PPP2R2C: variants seen among roughly 807,000 people sequenced by gnomAD.
The protein encoded by PPP2R2C is protein phosphatase 2, regulatory subunit B, gamma.
A neutral mutation model predicts 45.3 loss-of-function variants in PPP2R2C; 10 were observed. The ratio of observed to expected loss-of-function variants is 0.22; its 90% CI spans 0.14 to 0.37. The LOEUF (loss-of-function observed/expected upper bound fraction) is 0.37. PPP2R2C is among the 10% of genes least tolerant of loss of function. PPP2R2C has a pLI of 1.00. For synonymous variants in PPP2R2C, 257 were observed against 245.4 expected, an observed-to-expected ratio of 1.05 and a Z score of -0.44; for missense variants, 308 against 619.7, an observed-to-expected ratio of 0.50 and a Z score of 5.34.
intron 1 of PPP2R2C, among the ~76,000 whole-genome samples, chr4:6,561,317 A>C (rs1424221629): frequency 1.3e-5 from 2 of 152,212 alleles, no homozygotes; most frequent in Non-Finnish European, 2.9e-5. Flanking sequence ...GATGTTACAC[A>C]GGAAATAAAA....
At chr4:6,523,996 C>T (rs893981789) in intron 2 of PPP2R2C, among the ~76,000 whole-genome samples, 4 of 152,142 alleles carry the variant, frequency 2.6e-5, no homozygotes, top group African/African-American at 4.8e-5. Flanking sequence ...TCACTGCAAC[C>T]TCCGCCTCCC....
At chr4:6,380,683 G>C (rs1715709266) in intron 2 of PPP2R2C, among the ~76,000 whole-genome samples, 1 of 152,092 alleles carries the variant, frequency 6.6e-6, no homozygotes, top group Non-Finnish European at 1.5e-5. Flanking sequence ...GCTGAGGGCA[G>C]GGGGCTCAGA....
intron 2 of PPP2R2C, among the ~76,000 whole-genome samples, chr4:6,512,102 T>G (rs1280953519): frequency 1.7e-5 from 1 of 58,698 alleles, no homozygotes; most frequent in East Asian, 8.6e-4. Flanking sequence ...GTGGTGGTGG[T>G]GGTGGTGGTG....
intron 6 of PPP2R2C, among the ~76,000 whole-genome samples, chr4:6,341,068 G>T (rs1031981503): frequency 4.6e-5 from 7 of 152,230 alleles, no homozygotes; most frequent in Admixed American, 4.6e-4. Flanking sequence ...CAGGTGGGGG[G>T]CGGTGGCTCA....
intron 1 of PPP2R2C, among the ~76,000 whole-genome samples, chr4:6,467,476 T>A (rs766692779): frequency 1.3e-5 from 2 of 152,116 alleles, no homozygotes; most frequent in Non-Finnish European, 2.9e-5. Context: ...CGATGCCAGA[T>A]CTCAGGCTCT....
At chr4:6,517,894 A>G (rs1009801304) in intron 2 of PPP2R2C, among the ~76,000 whole-genome samples, 2 of 152,196 alleles carry the variant, frequency 1.3e-5, no homozygotes, top group African/African-American at 4.8e-5. Context: ...TACAGATGAT[A>G]AAACTGAGGC....
In PPP2R2C at chr4:6,554,342, C is replaced by A. The variant is rs569550223; in HGVS notation, c.-59+9218G>T. On this transcript the variant is annotated intron_variant, in intron 1 of 9. Transcript: ENST00000506140. The stretch of plus-strand genomic sequence containing the variant: ...AATGCCAAAGATGGACAGCAAATCA[C>A]AATAAGCTGGGAGAGGGGTACAGGA... Among the ~76,000 whole-genome samples the A allele has an allele frequency of 3.9e-5, 6 of 152,268 alleles. No homozygotes were observed. In the East Asian group the frequency reaches 1.2e-3, roughly 29 times the overall value.
upstream of PPP2R2C, among the ~76,000 whole-genome samples, chr4:6,476,095 G>A (rs1024308492): frequency 1.3e-5 from 2 of 152,202 alleles, no homozygotes; most frequent in African/African-American, 4.8e-5. Context: ...CTCCAGAACT[G>A]GGAGGAAGTA....
At position 6,364,014 on chromosome 4, in the gene PPP2R2C, C is replaced by T. The variant is rs1044893877; in HGVS notation, c.625+8509G>A. On this transcript the variant is annotated intron_variant, in intron 5 of 8. Transcript: ENST00000382599. This position sits in a 1 kb window ranked among gnomAD's most constrained non-coding sequence, Gnocchi z 5.3. ...ACTAGTTCCATTATTTGAGCATCTA[C>T]TCTGGACCAGGCATTATTCCAGGTA... Among the ~76,000 whole-genome samples, 5 of 152,220 alleles carry T rather than the reference C, an allele frequency of 3.3e-5. No homozygotes were observed. The South Asian group carries it at 6.2e-4, about 19-fold the overall frequency.
upstream of PPP2R2C, chr4:6,563,728 G>A (rs2108849062): frequency 6.8e-6 from 1 of 147,294 alleles, no homozygotes; most frequent in Non-Finnish European, 1.5e-5. This position sits in a 1 kb window ranked among gnomAD's most constrained non-coding sequence, Gnocchi z 5.8. Flanking sequence ...CGCGCGGCGA[G>A]GCTAACCCGG....
At chr4:6,417,870 A>C (rs148385679) in intron 1 of PPP2R2C, among the ~76,000 whole-genome samples, 1 of 152,330 alleles carries the variant, frequency 6.6e-6, no homozygotes, top group East Asian at 1.9e-4. Flanking sequence ...CGAGCCTCAA[A>C]AGGCAGCATG....
At chr4:6,351,278 A>C (rs974681968) in intron 5 of PPP2R2C, 5 of 713,962 alleles carry the variant, frequency 7.0e-6, no homozygotes, top group Admixed American at 1.3e-4. Flanking sequence ...GCGCCACTGC[A>C]CTCCAGACTG....
In PPP2R2C at chr4:6,378,821, T is replaced by C. The variant is rs1027880227; in HGVS notation, c.169-249A>G. On this transcript the variant is annotated intron_variant, in intron 2 of 8. Transcript: ENST00000382599. The surrounding 1 kb of genome is among the most constrained non-coding windows in gnomAD (Gnocchi z 5.2). The stretch of plus-strand genomic sequence containing the variant: ...GAGCCGGCTAACTTGCTAATGCGAA[T>C]GTTCCCCAGCGCCTGCTACAAGCTG... Among the ~76,000 whole-genome samples, 1 of 151,980 alleles carries C rather than the reference T, an allele frequency of 6.6e-6. No homozygotes were observed. The highest frequency in any genetic ancestry group is 6.5e-5 in the Admixed American group (1 of 15,280).
intron 1 of PPP2R2C, among the ~76,000 whole-genome samples, chr4:6,466,946 G>A (rs1350731888): frequency 1.3e-5 from 2 of 152,162 alleles, no homozygotes; most frequent in Admixed American, 6.5e-5. Flanking sequence ...TGGGGAAATT[G>A]ACAGCAGTCG....
At chr4:6,371,373 C>A (rs1471441404) in intron 5 of PPP2R2C, among the ~76,000 whole-genome samples, 2 of 152,222 alleles carry the variant, frequency 1.3e-5, no homozygotes, top group Non-Finnish European at 2.9e-5. Flanking sequence ...CTCTTTCACC[C>A]TTCCTGGAAT....
chr4:6,554,979 A>AAAGAGAAGAGAAGAGAAGAGAAGAG (rs201861111), intron 1 of PPP2R2C, among the ~76,000 whole-genome samples: 2 of 125,586 alleles, frequency 1.6e-5, no homozygotes, highest in East Asian at 3.8e-4. Context: ...GAAAGAAAGA[A>AAAGAGAAGAGAAGAGAAGAGAAGAG]AAGAGAAGAG....
intron 5 of PPP2R2C, among the ~76,000 whole-genome samples, chr4:6,353,256 G>A (rs1023770486): frequency 2.7e-5 from 4 of 150,582 alleles, no homozygotes; most frequent in East Asian, 2.0e-4. Context: ...GGCAGCCACC[G>A]ACAGCCCCCC....
chr4:6,375,442 C>T (rs1715222910), intron 4 of PPP2R2C, among the ~76,000 whole-genome samples: 1 of 152,200 alleles, frequency 6.6e-6, no homozygotes, highest in African/African-American at 2.4e-5. Flanking sequence ...GACCCATTCT[C>T]TTTCTGCCTC....
chr4:6,352,874 G>T (rs1712696859), intron 5 of PPP2R2C, among the ~76,000 whole-genome samples: 1 of 152,186 alleles, frequency 6.6e-6, no homozygotes, highest in Non-Finnish European at 1.5e-5. Flanking sequence ...ATCTTGAGAT[G>T]AGATCACCCT....
Sources: gnomAD v4.1 joint callset for allele counts (sites outside exome capture counted in the v4.1 genomes callset) on GRCh38, gnomAD v4.1.1 for gene constraint, Gnocchi (gnomAD v3.1) non-coding constraint, MANE v1.5 for transcripts, NCBI Gene and HGNC (gene_info 2026-07-23, HGNC 2026-07-21) for gene names.